Variants in GTF2I observed in about 807,000 individuals in gnomAD.
GTF2I encodes general transcription factor IIi.
In GTF2I, 12 loss-of-function variants were observed where a neutral mutation model predicts 67.6. The observed-to-expected ratio is 0.18, with a 90% confidence interval of 0.11 to 0.29. The LOEUF (loss-of-function observed/expected upper bound fraction) is 0.29, where lower values mean the gene tolerates loss of function less well. Ranked by LOEUF, GTF2I falls within the 10% of genes least tolerant of loss-of-function variation. The pLI, the probability that GTF2I is intolerant of heterozygous loss-of-function variation, is 1.00. For synonymous variants in GTF2I, 149 were observed against 197.0 expected, an observed-to-expected ratio of 0.76 and a Z score of 2.04; for missense variants, 271 against 580.1, an observed-to-expected ratio of 0.47 and a Z score of 5.47.
chr7:74,752,216 G>C (rs370505884), intron 28 of GTF2I, 46 bp downstream of exon 28: 17,210 of 599,866 alleles, frequency 0.029, 586 homozygotes, highest in African/African-American at 0.25. Flanking sequence ...GTCTCTTCAG[G>C]GCCTCTTGGA....
chr7:74,677,968 G>T (rs147125988), intron 1 of GTF2I, among the ~76,000 whole-genome samples: 1 of 152,058 alleles, frequency 6.6e-6, no homozygotes, highest in Non-Finnish European at 1.5e-5. Flanking sequence ...CAGACTCACC[G>T]CTGTAGTCCA....
chr7:74,661,153 A>G (rs1412347671), intron 1 of GTF2I, among the ~76,000 whole-genome samples: 2 of 152,056 alleles, frequency 1.3e-5, no homozygotes, highest in African/African-American at 4.8e-5. Flanking sequence ...TTGTGAAACC[A>G]CCGCGCCTGG....
At chr7:74,672,433 C>T (rs985312344) in intron 1 of GTF2I, among the ~76,000 whole-genome samples, 1 of 151,868 alleles carries the variant, frequency 6.6e-6, no homozygotes, top group African/African-American at 2.4e-5. Flanking sequence ...CCCAGCTACT[C>T]GGGAGCTGAG....
At chr7:74,682,872 G>A (rs1203295248) in intron 1 of GTF2I, among the ~76,000 whole-genome samples, 1 of 152,036 alleles carries the variant, frequency 6.6e-6, no homozygotes, top group Non-Finnish European at 1.5e-5. Flanking sequence ...AGAAATCATA[G>A]AAATGAAAAT....
intron 11 of GTF2I, 48 bp from the exon 12 acceptor site, chr7:74,718,831 A>G: frequency 1.1e-6 from 1 of 948,704 alleles, no homozygotes; most frequent in African/African-American, 1.7e-5. Flanking sequence ...GAACATATGG[A>G]AACATGCTTA....
intron 10 of GTF2I, among the ~76,000 whole-genome samples, chr7:74,715,990 C>T (rs1265831140): frequency 6.6e-6 from 1 of 152,026 alleles, no homozygotes; most frequent in Non-Finnish European, 1.5e-5. Flanking sequence ...GAATTTAGTT[C>T]TCAATAGATA....
chr7:74,661,991 G>C (rs1330488510), intron 1 of GTF2I, among the ~76,000 whole-genome samples: 1 of 152,078 alleles, frequency 6.6e-6, no homozygotes, highest in Admixed American at 6.6e-5. Context: ...AGGTTTGAGT[G>C]ATAGGACCAC....
intron 6 of GTF2I, among the ~76,000 whole-genome samples, chr7:74,700,959 G>T (rs1789647831): frequency 6.6e-6 from 1 of 152,218 alleles, no homozygotes; most frequent in African/African-American, 2.4e-5. Context: ...GTGGGGAGGG[G>T]ATACGCAGCT....
chr7:74,724,339 G>A (rs1405856986), intron 12 of GTF2I, among the ~76,000 whole-genome samples: 1 of 152,156 alleles, frequency 6.6e-6, no homozygotes, highest in Admixed American at 6.6e-5. Context: ...CAGATTGTAT[G>A]ATAACACATT....
intron 2 of GTF2I, among the ~76,000 whole-genome samples, chr7:74,689,545 A>G (rs1173567834): frequency 6.6e-6 from 1 of 151,398 alleles, no homozygotes; most frequent in African/African-American, 2.4e-5. Flanking sequence ...TAGTAAAGAC[A>G]GGGTTTGACC....
At chr7:74,707,400 C>T (rs1041922643) in intron 8 of GTF2I, among the ~76,000 whole-genome samples, 1 of 152,190 alleles carries the variant, frequency 6.6e-6, no homozygotes, top group African/African-American at 2.4e-5. Context: ...GGCCCTTTGT[C>T]AGCCTTCTCA....
chr7:74,685,421 C>T (rs1460696522), intron 1 of GTF2I, among the ~76,000 whole-genome samples: 1 of 152,042 alleles, frequency 6.6e-6, no homozygotes, highest in Non-Finnish European at 1.5e-5. Context: ...CGCTTGAACC[C>T]GGGAGGCAGA....
At chr7:74,686,808 T>C (rs1584130749) in intron 1 of GTF2I, among the ~76,000 whole-genome samples, 1 of 152,294 alleles carries the variant, frequency 6.6e-6, no homozygotes, top group Middle Eastern at 3.4e-3. Context: ...TACTTCCGTC[T>C]CTAGTCAGGG....
At chr7:74,686,889 G>GTTTTTTTTTTTTTTTTTTTTT (rs1234126085) in intron 1 of GTF2I, among the ~76,000 whole-genome samples, 1 of 149,274 alleles carries the variant, frequency 6.7e-6, no homozygotes. Flanking sequence ...TGTTTGTTTT[G>GTTTTTTTTTTTTTTTTTTTTT]TTTTTGTTTT....
chr7:74,707,051 G>A (rs1286224675), intron 8 of GTF2I, among the ~76,000 whole-genome samples: 1 of 152,028 alleles, frequency 6.6e-6, no homozygotes, highest in African/African-American at 2.4e-5. Context: ...GGTTTCGCCA[G>A]GTTGGCCTGG....
intron 1 of GTF2I, among the ~76,000 whole-genome samples, chr7:74,670,596 A>C (rs1805363225): frequency 6.6e-6 from 1 of 150,454 alleles, no homozygotes; most frequent in South Asian, 2.1e-4. Flanking sequence ...TACTCGAGGC[A>C]GGAGAATTGC....
intron 6 of GTF2I, 128 bp from the exon 7 acceptor site, chr7:74,705,036 G>A: frequency 1.5e-6 from 1 of 674,612 alleles, no homozygotes; most frequent in Admixed American, 2.6e-5. Context: ...GAAAAGCAGT[G>A]TTTATTCTGG....
chr7:74,669,708 T>G (rs1482208254), intron 1 of GTF2I, among the ~76,000 whole-genome samples: 1 of 151,908 alleles, frequency 6.6e-6, no homozygotes, highest in Non-Finnish European at 1.5e-5. Context: ...AATTTTTGTA[T>G]TATTAGTAGA....
At chr7:74,687,533 T>A in intron 1 of GTF2I, 3 of 984,732 alleles carry the variant, frequency 3.0e-6, no homozygotes, top group Non-Finnish European at 3.6e-6. Flanking sequence ...GATTATGGTT[T>A]TTATTATAAA....
Sources: allele counts gnomAD v4.1 joint callset (sites outside exome capture counted in the v4.1 genomes callset), GRCh38; gene constraint gnomAD v4.1.1; transcripts MANE v1.5; gene names NCBI Gene and HGNC (gene_info 2026-07-23, HGNC 2026-07-21).